ZNF569: variants seen among roughly 807,000 people sequenced by gnomAD.
ZNF569 encodes the protein zinc finger protein 569.
Under a neutral mutation model 56.3 loss-of-function variants are expected in ZNF569, and 38 were observed. That is an observed-to-expected ratio of 0.68 (90% CI 0.52 to 0.88). The LOEUF is 0.88. Among genes scored for constraint, ZNF569 ranks in the 40% least tolerant of loss-of-function variants. The probability of loss-of-function intolerance (pLI) is 0.00; values close to 1 mark genes in which losing one functional copy is unlikely to be tolerated. For missense variants in ZNF569, 666 were observed against 809.2 expected (o/e 0.82, Z 2.15); for synonymous variants, 241 against 262.9 (o/e 0.92, Z 0.81).
At chr19:37,440,959 T>C (rs576569334) in intron 3 of ZNF569, among the ~76,000 whole-genome samples, 1 of 152,328 alleles carries the variant, frequency 6.6e-6, no homozygotes, top group South Asian at 2.1e-4. Context: ...AGACCTTCCA[T>C]GGCCTTATTT....
chr19:37,441,691 C>G (rs757272595), intron 3 of ZNF569, among the ~76,000 whole-genome samples: 1 of 151,874 alleles, frequency 6.6e-6, no homozygotes, highest in Non-Finnish European at 1.5e-5. Flanking sequence ...CTCCTACATG[C>G]ATGCTGTGGG....
At chr19:37,428,233 G>A (rs573660130) in intron 3 of ZNF569, among the ~76,000 whole-genome samples, 79 of 152,276 alleles carry the variant, frequency 5.2e-4, no homozygotes, top group African/African-American at 1.8e-3. Flanking sequence ...GGAGCTAGGC[G>A]CGGTGGCTCA....
chr19:37,427,291 TG>T (rs1026503867), intron 3 of ZNF569, among the ~76,000 whole-genome samples: 3 of 151,540 alleles, frequency 2.0e-5, no homozygotes, highest in Non-Finnish European at 4.4e-5. Flanking sequence ...CACTCCAGCC[TG>T]GGTGGCAGAG....
intron 3 of ZNF569, among the ~76,000 whole-genome samples, chr19:37,435,404 G>T (rs990466687): frequency 6.6e-6 from 1 of 152,086 alleles, no homozygotes; most frequent in African/African-American, 2.4e-5. Context: ...AGGAAGGCAG[G>T]AAAGGAGGAA....
At chr19:37,421,221 T>C (rs553767004) in intron 5 of ZNF569, among the ~76,000 whole-genome samples, 1 of 152,286 alleles carries the variant, frequency 6.6e-6, no homozygotes, top group African/African-American at 2.4e-5. Context: ...GGGAAATGAA[T>C]ACTGGCTCCA....
At chr19:37,448,434 ATAT>A (rs2041534039) in intron 2 of ZNF569, among the ~76,000 whole-genome samples, 1 of 151,044 alleles carries the variant, frequency 6.6e-6, no homozygotes. Context: ...TTCATTCCTG[ATAT>A]TATCAGCAAT....
chr19:37,425,815 A>C, intron 5 of ZNF569, 53 bp downstream of exon 5: 3 of 1,345,484 alleles, frequency 2.2e-6, no homozygotes, highest in Non-Finnish European at 3.2e-6. Context: ...TTCACTGATT[A>C]ATCATTAATA....
At position 37,442,499 on chromosome 19, in the gene ZNF569, A is replaced by C. The variant is rs74514834; in HGVS notation, c.15+2408T>G. On this transcript the variant is annotated intron_variant, in intron 3 of 5. Coordinates refer to ENST00000316950, the MANE Select transcript of ZNF569 (RefSeq NM_152484.3). The stretch of plus-strand genomic sequence containing the variant: ...CATACCAAGAGGGGCTTTGTAAGGG[A>C]CGTTATTCCACATGTAAAGGAAAGA... 6.2e-3 allele frequency among the ~76,000 whole-genome samples: 951 copies of C among 152,266 alleles called. 10 individuals carry two copies. The highest frequency in any genetic ancestry group is 0.021 in the African/African-American group (885 of 41,532).
chr19:37,415,208 T>C (rs1367304032), intron 5 of ZNF569, among the ~76,000 whole-genome samples: 1 of 152,110 alleles, frequency 6.6e-6, no homozygotes, highest in Non-Finnish European at 1.5e-5. Context: ...AAATATATCA[T>C]ATTTGAGTTG....
intron 5 of ZNF569, among the ~76,000 whole-genome samples, chr19:37,420,904 C>T (rs2041024734): frequency 6.6e-6 from 1 of 152,166 alleles, no homozygotes; most frequent in Admixed American, 6.5e-5. Context: ...ACTTGAAAGT[C>T]AAAATTACTG....
intron 3 of ZNF569, among the ~76,000 whole-genome samples, chr19:37,441,802 G>A (rs78115885): frequency 1.3e-5 from 2 of 152,282 alleles, no homozygotes; most frequent in East Asian, 3.9e-4. Context: ...GAGGTCCTTG[G>A]ACCATCACTG....
At chr19:37,453,781 T>C (rs1345015848) in intron 2 of ZNF569, among the ~76,000 whole-genome samples, 1 of 152,244 alleles carries the variant, frequency 6.6e-6, no homozygotes, top group Non-Finnish European at 1.5e-5. Context: ...AATACTTTTC[T>C]TCCATCTCTG....
intron 2 of ZNF569, among the ~76,000 whole-genome samples, chr19:37,459,362 T>A (rs186636697): frequency 2.6e-4 from 40 of 151,956 alleles, no homozygotes; most frequent in African/African-American, 9.2e-4. Context: ...TGATAAAAAT[T>A]ACAGCAGACT....
Position 37,411,578 on chromosome 19 carries a change from C to CTAT in ZNF569, c.*1016_*1018dup, listed in dbSNP as rs1209876498. The CTAT allele has an allele frequency of 2.0e-5, 3 of 152,138 alleles. No homozygotes were observed. The highest frequency in any genetic ancestry group is 2.0e-4 in the Admixed American group (3 of 15,282). The allele number at this position is 152,138 out of a possible 1,614,324, so 9.4% of individuals were successfully genotyped here. On this transcript the variant is annotated 3_prime_UTR_variant, in exon 6 of 6. Transcript: ENST00000316950. ...GGCCAATACACCAAAATTCAACAGA[C>CTAT]TATTCCATGTTTACATGTTTTTTAA...
intron 3 of ZNF569, among the ~76,000 whole-genome samples, chr19:37,427,243 G>A (rs981713644): frequency 6.6e-6 from 1 of 152,042 alleles, no homozygotes; most frequent in South Asian, 2.1e-4. Flanking sequence ...CTTGAGCCCG[G>A]GAGGTGGAGG....
intron 5 of ZNF569, among the ~76,000 whole-genome samples, chr19:37,425,068 G>A (rs987009314): frequency 6.6e-6 from 1 of 151,770 alleles, no homozygotes; most frequent in Non-Finnish European, 1.5e-5. Context: ...GCAGTGAGCC[G>A]AGATCGCGCC....
intron 3 of ZNF569, among the ~76,000 whole-genome samples, chr19:37,436,039 T>C (rs2041303854): frequency 6.6e-6 from 1 of 152,200 alleles, no homozygotes; most frequent in Non-Finnish European, 1.5e-5. Context: ...GGCTGCAGAA[T>C]GCGCATTCTT....
At chr19:37,427,933 C>T (rs2146895303) in intron 3 of ZNF569, 1 of 331,152 alleles carries the variant, frequency 3.0e-6, no homozygotes, top group Non-Finnish European at 6.3e-6. Flanking sequence ...ATAAGAAACA[C>T]ACTCTTGCTG....
At chr19:37,439,659 G>A (rs934596119) in intron 3 of ZNF569, among the ~76,000 whole-genome samples, 3 of 152,150 alleles carry the variant, frequency 2.0e-5, no homozygotes, top group Admixed American at 1.3e-4. Context: ...ATCAAGCTAA[G>A]TGCCCATCAG....
Sources: gnomAD v4.1 joint callset for allele counts (sites outside exome capture counted in the v4.1 genomes callset) on GRCh38, gnomAD v4.1.1 for gene constraint, MANE v1.5 for transcripts, NCBI Gene and HGNC (gene_info 2026-07-23, HGNC 2026-07-21) for gene names.